The following WIPF3 variants were observed in gnomAD, a reference collection of about 807,000 sequenced individuals.
The protein encoded by WIPF3 is WAS/WASL interacting protein family member 3, also known as WAS/WASL-interacting protein family member 3.
In WIPF3, 33 loss-of-function variants were observed where a neutral mutation model predicts 38.9. The ratio of observed to expected loss-of-function variants is 0.85; its 90% CI spans 0.64 to 1.14. WIPF3 has a LOEUF of 1.14. Ranked by LOEUF, WIPF3 falls within the 50% of genes most tolerant of loss-of-function variation. The pLI is 0.00. For synonymous variants in WIPF3, 324 were observed against 269.3 expected (o/e 1.20, Z -1.99); for missense variants, 711 against 652.5 (o/e 1.09, Z -0.98).
In WIPF3 at chr7:29,891,603, A is replaced by T. The variant is rs547764826; in HGVS notation, c.1351+2196A>T. Reference sequence around the variant, plus strand: ...CATGAAGGGCCAGCAATGGGGGAAGACAGGTGCTGTGTCCATCTCCCATCC... The same window carrying T: ...CATGAAGGGCCAGCAATGGGGGAAGTCAGGTGCTGTGTCCATCTCCCATCC... On this transcript the variant is annotated intron_variant, in intron 7 of 8. Coordinates refer to ENST00000242140, the MANE Select transcript of WIPF3 (RefSeq NM_001080529.3). 2.0e-4 allele frequency among the ~76,000 whole-genome samples: 30 copies of T among 152,274 alleles called. 1 individual carries two copies. The South Asian group carries it at 6.2e-3, about 32-fold the overall frequency.
At chr7:29,868,831 G>A (rs548357931) in intron 2 of WIPF3, among the ~76,000 whole-genome samples, 10 of 152,014 alleles carry the variant, frequency 6.6e-5, no homozygotes, top group Non-Finnish European at 1.5e-4. Context: ...AAGTATTTGT[G>A]TATCTAACCA....
At chr7:29,901,835 AAAAAAAAAAAAAAAG>A (rs1786283958) in intron 7 of WIPF3, among the ~76,000 whole-genome samples, 1 of 142,082 alleles carries the variant, frequency 7.0e-6, no homozygotes, top group Non-Finnish European at 1.5e-5. Context: ...CAAAAAAAAA[AAAAAAAAAAAAAAAG>A]AAAGAAAGAA....
intron 5 of WIPF3, 60 bp from the exon 6 acceptor site, chr7:29,888,008 G>A: frequency 6.2e-7 from 1 of 1,603,442 alleles, no homozygotes; most frequent in Non-Finnish European, 8.5e-7. Context: ...TCTCACATAA[G>A]GTTATAGCAT....
chr7:29,877,329 G>C (rs1785621541), intron 3 of WIPF3, among the ~76,000 whole-genome samples: 1 of 152,216 alleles, frequency 6.6e-6, no homozygotes, highest in Non-Finnish European at 1.5e-5. Context: ...TCTCTCAGTG[G>C]TTTCTGATGT....
Position 29,904,272 on chromosome 7 carries a change from C to A in WIPF3, c.1352-14C>A. 1 of 1,613,466 alleles carries A rather than the reference C, an allele frequency of 6.2e-7. No individual in the cohort carries two copies. The highest frequency in any genetic ancestry group is 8.5e-7 in the Non-Finnish European group (1 of 1,179,622). ...TGGGCCAATAGATAATGAGATTGTT[C>A]TTTTTTCCTTCAGGCCGTACACCTG... On this transcript the variant is annotated splice_polypyrimidine_tract_variant and intron_variant, in intron 7 of 8. Transcript: ENST00000242140.
chr7:29,876,937 CT>C (rs1013686358), intron 3 of WIPF3, among the ~76,000 whole-genome samples: 148 of 148,802 alleles, frequency 9.9e-4, no homozygotes, highest in African/African-American at 3.2e-3. Context: ...TACCTGGCTC[CT>C]TTTTTTTTTC....
At chr7:29,872,950 C>T (rs1050684061) in intron 2 of WIPF3, among the ~76,000 whole-genome samples, 4 of 152,176 alleles carry the variant, frequency 2.6e-5, no homozygotes, top group East Asian at 3.9e-4. Context: ...TGAACTGCAC[C>T]GTGTAAGTAA....
intron 2 of WIPF3, among the ~76,000 whole-genome samples, chr7:29,846,141 AC>A (rs1784996499): frequency 6.6e-6 from 1 of 152,248 alleles, no homozygotes; most frequent in Admixed American, 6.5e-5. Flanking sequence ...AAAATTTAAT[AC>A]TTGGGTATTA....
intron 2 of WIPF3, among the ~76,000 whole-genome samples, chr7:29,845,030 C>CTT (rs780163235): frequency 7.2e-6 from 1 of 139,060 alleles, no homozygotes; most frequent in Non-Finnish European, 1.6e-5. Context: ...GTTTTCTTTC[C>CTT]TTTTTTTTTT....
rs1786075394 is a variant in WIPF3 at position 29,893,831 on chromosome 7, C to G, written c.1351+4424C>G. ...TTCATGCCATAAGCCCCACAGCTTT[C>G]CCTTACACCCACCTGGCCCCTGAAG... On this transcript the variant is annotated intron_variant, in intron 7 of 8. Coordinates refer to ENST00000242140, the MANE Select transcript of WIPF3 (RefSeq NM_001080529.3). 3.9e-5 allele frequency among the ~76,000 whole-genome samples: 6 copies of G among 152,232 alleles called. No individual in the cohort carries two copies. The South Asian group carries it at 1.0e-3, about 26-fold the overall frequency.
chr7:29,896,540 C>T (rs758098250), intron 7 of WIPF3, among the ~76,000 whole-genome samples: 5 of 152,126 alleles, frequency 3.3e-5, no homozygotes, highest in African/African-American at 4.8e-5. Context: ...TGCTTGAGCC[C>T]GGGAGGTGGA....
intron 4 of WIPF3, among the ~76,000 whole-genome samples, chr7:29,881,650 C>T (rs1481999956): frequency 6.6e-6 from 1 of 152,066 alleles, no homozygotes; most frequent in Non-Finnish European, 1.5e-5. Flanking sequence ...TGGCCTAGAG[C>T]TCTAAGGGAG....
At position 29,861,703 on chromosome 7, in the gene WIPF3, C is replaced by T. The variant is rs182426039; in HGVS notation, c.91-14127C>T. Among the ~76,000 whole-genome samples, 10 of 152,244 alleles carry T rather than the reference C, an allele frequency of 6.6e-5. No individual in the cohort carries two copies. In the South Asian group the frequency reaches 8.3e-4, roughly 13 times the overall value. ...ATAGAAGAAGAAAGTCAAACAAGTA[C>T]GGATTGAATGGCTGGCGTGCAGGGT... On this transcript the variant is annotated intron_variant, in intron 2 of 8. Coordinates refer to ENST00000242140, the MANE Select transcript of WIPF3 (RefSeq NM_001080529.3).
chr7:29,830,027 C>A (rs1399156959), intron 1 of WIPF3, among the ~76,000 whole-genome samples: 2 of 152,094 alleles, frequency 1.3e-5, no homozygotes. Flanking sequence ...CCCCTGACTT[C>A]CTGGAGCTCA....
chr7:29,849,152 T>C (rs936652414), intron 2 of WIPF3, among the ~76,000 whole-genome samples: 1 of 152,132 alleles, frequency 6.6e-6, no homozygotes, highest in African/African-American at 2.4e-5. Flanking sequence ...GCTCCTGTTT[T>C]TCTAGGGATT....
intron 1 of WIPF3, among the ~76,000 whole-genome samples, chr7:29,809,953 C>T (rs941831058): frequency 3.9e-5 from 6 of 152,032 alleles, no homozygotes; most frequent in African/African-American, 9.7e-5. Context: ...GCCAGGCCTG[C>T]ACATGGACTG....
chr7:29,885,004 G>A (rs953063361), intron 5 of WIPF3, among the ~76,000 whole-genome samples: 3 of 152,122 alleles, frequency 2.0e-5, no homozygotes, highest in Non-Finnish European at 4.4e-5. Flanking sequence ...AGGTGGAGGG[G>A]GCGTGAGTGT....
chr7:29,884,286 C>T lies in WIPF3; in HGVS notation c.792C>T (p.Leu264=). The change falls in exon 5 of 9, where the codon CTC becomes CTT. Residue 264 remains leucine, a synonymous_variant. Coordinates refer to ENST00000242140, the MANE Select transcript of WIPF3 (RefSeq NM_001080529.3). ...PLHLPPIPPP[L]PLLPPCGYPG... ...ACCTCCCGCCCATCCCGCCCCCGCTCCCTCTGCTCCCACCTTGTGGGTATC... is the reference window on the plus strand; with the variant it reads ...ACCTCCCGCCCATCCCGCCCCCGCTTCCTCTGCTCCCACCTTGTGGGTATC... 1 of 1,526,768 alleles carries T rather than the reference C, an allele frequency of 6.5e-7. No individual in the cohort carries two copies. Among genetic ancestry groups the T allele is most frequent in the Non-Finnish European group, 8.8e-7 (1 of 1,133,746 alleles). The allele number at this position is 1,526,768 out of a possible 1,614,324, so 94.6% of individuals were successfully genotyped here.
At chr7:29,856,859 T>A (rs887689002) in intron 2 of WIPF3, among the ~76,000 whole-genome samples, 3 of 152,172 alleles carry the variant, frequency 2.0e-5, no homozygotes, top group Admixed American at 1.3e-4. Flanking sequence ...TTTTTCACTC[T>A]TGTCATATTT....
Sources: gnomAD v4.1 joint callset for allele counts (sites outside exome capture counted in the v4.1 genomes callset) on GRCh38, gnomAD v4.1.1 for gene constraint, MANE v1.5 for transcripts, NCBI Gene and HGNC (gene_info 2026-07-23, HGNC 2026-07-21) for gene names.